SMOC2: variants seen among roughly 807,000 people sequenced by gnomAD.
SMOC2 encodes the protein SPARC-related modular calcium-binding protein 2.
A neutral mutation model predicts 61.4 loss-of-function variants in SMOC2; 39 were observed. The ratio of observed to expected loss-of-function variants is 0.64; its 90% CI spans 0.49 to 0.83. The LOEUF is 0.83. Ranked by LOEUF, SMOC2 falls within the 40% of genes least tolerant of loss-of-function variation. The pLI, the probability that SMOC2 is intolerant of heterozygous loss-of-function variation, is 0.00. For synonymous variants in SMOC2, 247 were observed against 239.9 expected (o/e 1.03, Z -0.27); for missense variants, 556 against 592.9 (o/e 0.94, Z 0.65).
At chr6:168,664,751 T>TC (rs1254011074) in intron 12 of SMOC2, 1 of 471,028 alleles carries the variant, frequency 2.1e-6, no homozygotes, top group Non-Finnish European at 4.4e-6. Flanking sequence ...AATGGTGGTG[T>TC]CCTCCAGACC....
At chr6:168,619,986 G>A (rs1196368328) in intron 9 of SMOC2, among the ~76,000 whole-genome samples, 4 of 152,162 alleles carry the variant, frequency 2.6e-5, no homozygotes, top group Non-Finnish European at 4.4e-5. Flanking sequence ...CCGGACACAC[G>A]GGCTCTGTGC....
intron 11 of SMOC2, chr6:168,655,330 G>A: frequency 2.2e-6 from 1 of 452,130 alleles, no homozygotes; most frequent in Non-Finnish European, 4.5e-6. Context: ...TTATTCCAAT[G>A]GTTATAGCAG....
intron 1 of SMOC2, among the ~76,000 whole-genome samples, chr6:168,470,770 TTA>T (rs1781952734): frequency 6.6e-6 from 1 of 152,202 alleles, no homozygotes; most frequent in Non-Finnish European, 1.5e-5. Context: ...ACAAGGATAA[TTA>T]TGTTTTTAAA....
Position 168,484,937 on chromosome 6 carries a change from C to T in SMOC2, c.85-24978C>T, listed in dbSNP as rs570073996. On this transcript the variant is annotated intron_variant, in intron 1 of 12. Transcript: ENST00000356284. The stretch of plus-strand genomic sequence containing the variant: ...CAAAGTAGAATCTGGTGGCCAGGGG[C>T]TGGGGAAGGGGAAATGGGGAGGGAG... Among the ~76,000 whole-genome samples, 14 of 151,992 alleles carry T rather than the reference C, an allele frequency of 9.2e-5. No homozygotes were observed. In the South Asian group the frequency reaches 2.9e-3, roughly 32 times the overall value.
At position 168,650,693 on chromosome 6, in the gene SMOC2, C is replaced by CCAA. The variant is rs781098824; in HGVS notation, c.921_923dup (p.Ala307_Lys308insAsn). The stretch of plus-strand genomic sequence containing the variant: ...ACGTGTTTTTCAGGTTGTCCGGGTG[C>CCAA]CAAAAAGCATGAGTTTCTGACCAGC... On this transcript the variant is annotated inframe_insertion, in exon 10 of 13. Coordinates refer to ENST00000356284, the MANE Select transcript of SMOC2 (RefSeq NM_001166412.2). 1.9e-6 allele frequency: 3 copies of CCAA among 1,613,616 alleles called. No individual in the cohort carries two copies. Among genetic ancestry groups the CCAA allele is most frequent in the Middle Eastern group, 3.3e-4 (2 of 6,056 alleles).
chr6:168,532,294 C>T (rs186937134), intron 4 of SMOC2, among the ~76,000 whole-genome samples: 1 of 152,330 alleles, frequency 6.6e-6, no homozygotes, highest in Non-Finnish European at 1.5e-5. Flanking sequence ...GCAGGGTTCA[C>T]ACTACATAAC....
intron 4 of SMOC2, among the ~76,000 whole-genome samples, chr6:168,530,561 A>G (rs1012341554): frequency 6.6e-6 from 1 of 151,940 alleles, no homozygotes; most frequent in Non-Finnish European, 1.5e-5. Flanking sequence ...ACTGCAAATT[A>G]AAGTCACAAT....
chr6:168,524,854 T>A (rs1052738709), intron 2 of SMOC2, among the ~76,000 whole-genome samples: 2 of 152,240 alleles, frequency 1.3e-5, no homozygotes, highest in South Asian at 2.1e-4. Context: ...CCGGTGGTTC[T>A]GCAAAAGCCA....
intron 1 of SMOC2, among the ~76,000 whole-genome samples, chr6:168,484,002 A>T (rs1380680093): frequency 6.6e-6 from 1 of 152,206 alleles, no homozygotes; most frequent in Non-Finnish European, 1.5e-5. Context: ...AAGAAAGCAT[A>T]GGACAATAGC....
rs568301153 is a variant in SMOC2, at chr6:168,602,008, T to C, written c.824+3004T>C. ...AAACAAATGGAGACAGCTCCTTTGA[T>C]TCTGCATGTAATTTTACCTTTATTA... On this transcript the variant is annotated intron_variant, in intron 8 of 12. Coordinates refer to ENST00000356284, the MANE Select transcript of SMOC2 (RefSeq NM_001166412.2). Among the ~76,000 whole-genome samples, 660 of 152,336 alleles carry C rather than the reference T, an allele frequency of 4.3e-3. 3 individuals carry two copies. Among genetic ancestry groups the C allele is most frequent in the Non-Finnish European group, 5.8e-3 (395 of 68,034 alleles).
intron 8 of SMOC2, among the ~76,000 whole-genome samples, chr6:168,604,886 TATG>T (rs1406970321): frequency 1.3e-5 from 2 of 152,116 alleles, no homozygotes; most frequent in Non-Finnish European, 2.9e-5. Context: ...TAGAAGGAGA[TATG>T]AGGAGGGGCA....
At chr6:168,467,148 C>CACACACAT (rs1781857352) in intron 1 of SMOC2, among the ~76,000 whole-genome samples, 1 of 136,212 alleles carries the variant, frequency 7.3e-6, no homozygotes, top group Non-Finnish European at 1.5e-5. Flanking sequence ...CACACACACA[C>CACACACAT]ACACACACAC....
chr6:168,498,412 G>C (rs1351918370), intron 1 of SMOC2, among the ~76,000 whole-genome samples: 6 of 152,254 alleles, frequency 3.9e-5, no homozygotes, highest in African/African-American at 1.4e-4. Flanking sequence ...TAAGGACAGA[G>C]AGGGAAAGAG....
intron 7 of SMOC2, among the ~76,000 whole-genome samples, chr6:168,559,586 T>A (rs1327514091): frequency 6.6e-6 from 1 of 152,188 alleles, no homozygotes; most frequent in Non-Finnish European, 1.5e-5. Flanking sequence ...ATAATTAATA[T>A]GGCCCATGAA....
intron 8 of SMOC2, among the ~76,000 whole-genome samples, chr6:168,605,644 T>C (rs537041475): frequency 1.6e-4 from 25 of 152,260 alleles, no homozygotes; most frequent in African/African-American, 5.5e-4. Context: ...AAAACCGAAA[T>C]GCCCGTCCAG....
chr6:168,647,103 G>T (rs1014671469), intron 9 of SMOC2, among the ~76,000 whole-genome samples: 1 of 152,186 alleles, frequency 6.6e-6, no homozygotes, highest in East Asian at 1.9e-4. Flanking sequence ...TAGCACCTTC[G>T]TGCTATGCCT....
intron 12 of SMOC2, chr6:168,664,756 C>T (rs1157085375): frequency 2.1e-6 from 1 of 471,128 alleles, no homozygotes. Context: ...TGGTGTCCTC[C>T]AGACCCAAAG....
intron 7 of SMOC2, among the ~76,000 whole-genome samples, chr6:168,586,246 C>A (rs1785044835): frequency 1.3e-5 from 2 of 152,096 alleles, no homozygotes; most frequent in Admixed American, 1.3e-4. Flanking sequence ...GAAGGCTTCC[C>A]TTTCTTATTG....
chr6:168,465,006 G>C (rs557148122), intron 1 of SMOC2, among the ~76,000 whole-genome samples: 3 of 152,190 alleles, frequency 2.0e-5, no homozygotes, highest in Non-Finnish European at 4.4e-5. Context: ...CCCTGCCCCA[G>C]AGAGTGAGTG....
Sources: allele counts gnomAD v4.1 joint callset (sites outside exome capture counted in the v4.1 genomes callset), GRCh38; gene constraint gnomAD v4.1.1; transcripts MANE v1.5; gene names NCBI Gene and HGNC (gene_info 2026-07-23, HGNC 2026-07-21).